The following KAZN variants were observed in gnomAD, a reference collection of about 807,000 sequenced individuals.
KAZN encodes the protein kazrin, periplakin interacting protein, also known as kazrin.
Under a neutral mutation model 87.4 loss-of-function variants are expected in KAZN, and 40 were observed. That is an observed-to-expected ratio of 0.46 (90% confidence interval 0.36 to 0.60). KAZN has a LOEUF of 0.60. Ranked by LOEUF, KAZN falls within the 20% of genes least tolerant of loss-of-function variation. KAZN has a pLI of 0.00. For missense variants in KAZN, 898 were observed against 1,073.9 expected (o/e 0.84, Z 2.29); for synonymous variants, 466 against 458.3 (o/e 1.02, Z -0.22).
intron 8 of KAZN, among the ~76,000 whole-genome samples, chr1:15,090,633 C>G (rs1640490442): frequency 1.3e-5 from 2 of 152,224 alleles, no homozygotes. Context: ...AGACGGGTGA[C>G]CTGCACAGAG....
intron 8 of KAZN, among the ~76,000 whole-genome samples, chr1:15,093,842 C>A (rs1640677440): frequency 6.6e-6 from 1 of 152,128 alleles, no homozygotes; most frequent in African/African-American, 2.4e-5. Context: ...AACGGGGAGG[C>A]AGGTTTGTGT....
At chr1:14,770,761 A>AC (rs1644998062) in intron 1 of KAZN, among the ~76,000 whole-genome samples, 1 of 152,220 alleles carries the variant, frequency 6.6e-6, no homozygotes, top group South Asian at 2.1e-4. Context: ...ATTTTCAAAC[A>AC]CGTTAGGCCT....
chr1:14,647,126 T>C (rs1680866922), intron 1 of KAZN, among the ~76,000 whole-genome samples: 1 of 152,244 alleles, frequency 6.6e-6, no homozygotes, highest in Non-Finnish European at 1.5e-5. Flanking sequence ...TGGCTCATTT[T>C]AGAGCTCAGA....
chr1:13,983,993 A>G (rs1354447397), intron 1 of KAZN, among the ~76,000 whole-genome samples: 2 of 151,262 alleles, frequency 1.3e-5, no homozygotes, highest in South Asian at 2.1e-4. Context: ...TTGGGGCCAC[A>G]TTTATTTGGA....
intron 2 of KAZN, among the ~76,000 whole-genome samples, chr1:14,331,509 C>G (rs766045876): frequency 6.6e-6 from 1 of 152,144 alleles, no homozygotes; most frequent in Non-Finnish European, 1.5e-5. Context: ...CTTACTGCTG[C>G]TATTTGTAAA....
At chr1:14,919,826 G>A (rs2807567) in intron 1 of KAZN, among the ~76,000 whole-genome samples, 106,600 of 152,094 alleles carry the variant, frequency 0.7, 38,011 homozygotes, top group Admixed American at 0.77. Context: ...ACTTACCATC[G>A]TGTTACAATT....
chr1:14,385,696 GTTCT>G (rs1303290780), intron 2 of KAZN, among the ~76,000 whole-genome samples: 5 of 151,598 alleles, frequency 3.3e-5, no homozygotes, highest in African/African-American at 1.2e-4. Flanking sequence ...TATAATTTCT[GTTCT>G]TTTACATTTG....
intron 1 of KAZN, among the ~76,000 whole-genome samples, chr1:14,129,616 GT>G (rs1196468717): frequency 2.0e-5 from 3 of 152,172 alleles, no homozygotes; most frequent in Non-Finnish European, 4.4e-5. Context: ...AAGGCACCTT[GT>G]TGGGGCTCAC....
At chr1:14,248,028 A>G (rs1412604908) in intron 2 of KAZN, among the ~76,000 whole-genome samples, 2 of 152,192 alleles carry the variant, frequency 1.3e-5, no homozygotes, top group Admixed American at 1.3e-4. Context: ...GCCACTCTCA[A>G]TCTATTGTGT....
At chr1:14,585,804 A>G (rs1187511709) in intron 2 of KAZN, among the ~76,000 whole-genome samples, 2 of 152,212 alleles carry the variant, frequency 1.3e-5, no homozygotes, top group South Asian at 4.1e-4. Flanking sequence ...AGAACGTCCC[A>G]GCCCACCGCA....
chr1:14,455,142 AT>A (rs1184697630), intron 2 of KAZN, among the ~76,000 whole-genome samples: 2 of 152,222 alleles, frequency 1.3e-5, no homozygotes, highest in Non-Finnish European at 2.9e-5. Flanking sequence ...TGACATCGCA[AT>A]GTGGGAGGGA....
intron 1 of KAZN, among the ~76,000 whole-genome samples, chr1:13,952,544 A>T (rs950801932): frequency 1.3e-5 from 2 of 151,838 alleles, no homozygotes; most frequent in African/African-American, 2.4e-5. Context: ...GGCTTTATTG[A>T]CTCAGGGAGG....
At chr1:13,957,174 C>G (rs1641580672) in intron 1 of KAZN, among the ~76,000 whole-genome samples, 1 of 152,188 alleles carries the variant, frequency 6.6e-6, no homozygotes, top group African/African-American at 2.4e-5. Flanking sequence ...ATCATTGCTA[C>G]TTGGCCAATG....
intron 8 of KAZN, among the ~76,000 whole-genome samples, chr1:15,074,794 C>T (rs191998850): frequency 1.2e-4 from 19 of 152,314 alleles, no homozygotes; most frequent in African/African-American, 4.6e-4. Flanking sequence ...CAAAGGACTT[C>T]ACCTGCTGTG....
chr1:14,689,525 A>G (rs962603360), intron 1 of KAZN, among the ~76,000 whole-genome samples: 3 of 152,192 alleles, frequency 2.0e-5, no homozygotes, highest in Non-Finnish European at 2.9e-5. Flanking sequence ...GTTTTACTAG[A>G]TGGTTGCAAG....
chr1:14,624,277 C>T (rs1289436359), intron 1 of KAZN, among the ~76,000 whole-genome samples: 1 of 152,114 alleles, frequency 6.6e-6, no homozygotes, highest in Non-Finnish European at 1.5e-5. Flanking sequence ...AAAAAATTAG[C>T]CAGGCTTGGT....
chr1:13,996,707 G>A (rs555897884), intron 1 of KAZN, among the ~76,000 whole-genome samples: 1 of 152,156 alleles, frequency 6.6e-6, no homozygotes, highest in African/African-American at 2.4e-5. Context: ...GGTCTCCCTG[G>A]GCCTAAGCCC....
chr1:14,388,825 C>G (rs1376112548), intron 2 of KAZN, among the ~76,000 whole-genome samples: 1 of 151,992 alleles, frequency 6.6e-6, no homozygotes, highest in Non-Finnish European at 1.5e-5. Context: ...CAAGCACAGG[C>G]AACCAAAGCA....
At chr1:14,688,821 C>T (rs1641111842) in intron 1 of KAZN, among the ~76,000 whole-genome samples, 2 of 152,206 alleles carry the variant, frequency 1.3e-5, no homozygotes, top group Non-Finnish European at 1.5e-5. Flanking sequence ...AAATAATATG[C>T]ATAGTCCCTT....
Sources: gnomAD v4.1 joint callset for allele counts (sites outside exome capture counted in the v4.1 genomes callset) on GRCh38, gnomAD v4.1.1 for gene constraint, MANE v1.5 for transcripts, NCBI Gene and HGNC (gene_info 2026-07-23, HGNC 2026-07-21) for gene names.